Variants in SPTBN2 observed in about 807,000 individuals in gnomAD.
SPTBN2 encodes the protein spectrin beta, non-erythrocytic 2.
Under a neutral mutation model 284.2 loss-of-function variants are expected in SPTBN2, and 107 were observed. The observed-to-expected ratio is 0.38, with a 90% CI of 0.32 to 0.44. The LOEUF is 0.44. Ranked by LOEUF, SPTBN2 falls within the 20% of genes least tolerant of loss-of-function variation. The pLI, the probability that SPTBN2 is intolerant of heterozygous loss-of-function variation, is 1.00. For synonymous variants in SPTBN2, 1,289 were observed against 1,354.8 expected, an observed-to-expected ratio of 0.95 and a Z score of 1.07; for missense variants, 2,569 against 3,287.1, an observed-to-expected ratio of 0.78 and a Z score of 5.34.
chr11:66,686,031 T>TCAGGCTCTC lies in SPTBN2; in HGVS notation c.7004_7012dup (p.Gly2335_Pro2337dup), dbSNP rs1365371309. The TCAGGCTCTC allele has an allele frequency of 3.7e-6, 6 of 1,613,662 alleles. No homozygotes were observed. In the South Asian group the frequency reaches 5.5e-5, roughly 15 times the overall value. ...GGTGGTGCTGGGCACCACCGGCTCT[T>TCAGGCTCTC]CAGGCTCTCCAGAGGCAGAAGACGC... On this transcript the variant is annotated inframe_insertion, in exon 38 of 38. Transcript: ENST00000533211.
intron 3 of SPTBN2, among the ~76,000 whole-genome samples, chr11:66,717,276 C>T (rs1942191839): frequency 2.0e-5 from 3 of 152,144 alleles, no homozygotes; most frequent in Non-Finnish European, 2.9e-5. Context: ...TTCTAAGTGA[C>T]AAAGTGAAAG....
chr11:66,689,626 C>T (rs1228620479), intron 29 of SPTBN2, among the ~76,000 whole-genome samples, 179 bp downstream of exon 29: 3 of 152,168 alleles, frequency 2.0e-5, no homozygotes, highest in African/African-American at 7.2e-5. Context: ...TTTCTGATGT[C>T]AAGAGGCAGA....
chr11:66,699,494 C>T lies in SPTBN2; in HGVS notation c.3688G>A (p.Gly1230Arg), dbSNP rs773523389. 4 of 1,614,050 alleles carry T rather than the reference C, an allele frequency of 2.5e-6. No homozygotes were observed. The highest frequency in any genetic ancestry group is 2.2e-5 in the East Asian group (1 of 44,900). The change falls in exon 18 of 38, where the codon GGG becomes AGG. Residue 1230 changes from glycine (G) to arginine (R), a missense_variant. Around this residue, in one of 6 missense-constraint regions of SPTBN2, gnomAD observed 1,012 missense variants for 1,248.9 expected, o/e 0.81. Transcript: ENST00000533211. ...TMDANGERIH[G>R]LLEAGRQLVS... ...AGCTGGCGGCCAGCCTCCAGGAGCC[C>T]GTGGATCCGTTCCCCATTGGCGTCC... is the stretch of plus-strand genomic sequence containing the variant.
chr11:66,717,472 C>A (rs530839414), intron 3 of SPTBN2, among the ~76,000 whole-genome samples: 9 of 152,182 alleles, frequency 5.9e-5, no homozygotes, highest in Non-Finnish European at 7.3e-5. Flanking sequence ...CCATAAGACA[C>A]AGCAACACAC....
intron 3 of SPTBN2, among the ~76,000 whole-genome samples, chr11:66,720,703 G>T (rs962478203): frequency 1.3e-5 from 2 of 152,132 alleles, no homozygotes; most frequent in Non-Finnish European, 2.9e-5. Context: ...AAATGACAGT[G>T]GAAATCAAAG....
chr11:66,742,974 G>A (rs1942908514), intron 1 of SPTBN2, among the ~76,000 whole-genome samples: 2 of 152,126 alleles, frequency 1.3e-5, no homozygotes, highest in South Asian at 4.1e-4. Context: ...AAATAGTGAC[G>A]ATAACAATTT....
chr11:66,709,038 T>C lies in SPTBN2; in HGVS notation c.1074-19A>G, dbSNP rs764237938. 5 of 1,609,260 alleles carry C rather than the reference T, an allele frequency of 3.1e-6. No individual in the cohort carries two copies. The South Asian group carries it at 4.4e-5, about 14-fold the overall frequency. On this transcript the variant is annotated intron_variant, in intron 10 of 37. Transcript: ENST00000533211. ...GGTAAACCTGAGGCAGGAGGCCGGG[T>C]TGGGGTCAGAATTAAAGCCCACGAG...
rs1183638111 is a variant in SPTBN2 at position 66,696,545 on chromosome 11, A to G, written c.4015-5T>C. The G allele has an allele frequency of 1.2e-6, 2 of 1,610,372 alleles. No individual in the cohort carries two copies. The highest frequency in any genetic ancestry group is 2.7e-5 in the African/African-American group (2 of 74,924). On this transcript the variant is annotated splice_region_variant and splice_polypyrimidine_tract_variant and intron_variant, in intron 20 of 37. Coordinates refer to ENST00000533211, the MANE Select transcript of SPTBN2 (RefSeq NM_006946.4). Reference sequence around the variant, plus strand: ...AAGGGTGAGCTCTCGCCCTTCCTGGAAGGCAGGACAGAAAATGTCAAAGTG... The same window carrying G: ...AAGGGTGAGCTCTCGCCCTTCCTGGGAGGCAGGACAGAAAATGTCAAAGTG...
rs77929461 is a variant in SPTBN2, at chr11:66,737,286, A to C, written c.-475+7256T>G. 5.4e-3 allele frequency among the ~76,000 whole-genome samples: 825 copies of C among 152,368 alleles called. 4 individuals carry two copies. Among genetic ancestry groups the C allele is most frequent in the African/African-American group, 0.019 (779 of 41,580 alleles). ...ACTGATAACAGGGTTTCTTTTAAAC[A>C]GTCAACTTCTCAGTATGTCTAAAAT... On this transcript the variant is annotated intron_variant, in intron 1 of 37. Coordinates refer to the SPTBN2 transcript ENST00000611817.
At chr11:66,713,948 C>T (rs1370795357) in intron 7 of SPTBN2, 143 bp downstream of exon 7, 4 of 947,784 alleles carry the variant, frequency 4.2e-6, no homozygotes, top group Non-Finnish European at 6.7e-6. Flanking sequence ...CAGCCCTGCA[C>T]CCCCATGTTC....
chr11:66,699,036 G>A lies in SPTBN2; in HGVS notation c.3823C>T (p.Arg1275Trp), dbSNP rs148878156. 46 of 1,614,204 alleles carry A rather than the reference G, an allele frequency of 2.8e-5. No homozygotes were observed. Among genetic ancestry groups the A allele is most frequent in the Non-Finnish European group, 3.4e-5 (40 of 1,180,046 alleles). ...DAAQQFLGRL[R>W]DNREQQHFLQ... is the part of the protein sequence containing the mutation. ...AAATGCTGCTGCTCCCGGTTGTCCC[G>A]AAGACGGCCCAGAAATTGCTGCGCT... The change falls in exon 19 of 38, where the codon CGG (arginine) becomes TGG (tryptophan). Residue 1275 changes from arginine to tryptophan, a missense_variant. Physicochemically the swap from Arg to Trp is moderately radical, Grantham distance 101. Coordinates refer to ENST00000533211, the MANE Select transcript of SPTBN2 (RefSeq NM_006946.4).
intron 8 of SPTBN2, chr11:66,712,767 C>T (rs187681727): frequency 1.3e-4 from 20 of 152,220 alleles, no homozygotes; most frequent in African/African-American, 4.8e-4. Context: ...TGGCTATTGA[C>T]AGGTGTGATC....
rs1941160604 is a variant in SPTBN2, at chr11:66,700,161, C to T, written c.3573+365G>A. On this transcript the variant is annotated intron_variant, in intron 17 of 37. Transcript: ENST00000533211. This position sits in a 1 kb window ranked among gnomAD's most constrained non-coding sequence, Gnocchi z 6.6. ...TAGAGATGGGGGTCTCACTATGTTG[C>T]CCAGGCTGGTCTCAAACTCCTGAGC... Among the ~76,000 whole-genome samples the T allele has an allele frequency of 6.6e-6, 1 of 151,926 alleles. No homozygotes were observed. The highest frequency in any genetic ancestry group is 2.4e-5 in the African/African-American group (1 of 41,340).
In SPTBN2 at chr11:66,696,170, G is replaced by A; in HGVS notation, c.4278+107C>T. On this transcript the variant is annotated intron_variant, in intron 21 of 37. Transcript: ENST00000533211. ...GCCCAAAGAAATGACTCTGGGAAAT[G>A]CTAGTGAAGGTGTTATCTGCCAGGC... is the stretch of plus-strand genomic sequence containing the variant. The A allele has an allele frequency of 2.2e-6, 3 of 1,384,422 alleles. No homozygotes were observed. The South Asian group carries it at 3.6e-5, about 17-fold the overall frequency. 85.8% of individuals were successfully genotyped at this position (1,384,422 alleles called of 1,614,324 possible).
At chr11:66,701,864 A>T in intron 15 of SPTBN2, 143 bp from the exon 16 acceptor site, 1 of 1,173,328 alleles carries the variant, frequency 8.5e-7, no homozygotes, top group Non-Finnish European at 1.2e-6. Flanking sequence ...CTCTCAGCCT[A>T]TGAGGTTCAT....
Position 66,740,697 on chromosome 11 carries a change from C to T in SPTBN2, c.-475+3845G>A, listed in dbSNP as rs113475771. 9.0e-3 allele frequency among the ~76,000 whole-genome samples: 1,373 copies of T among 152,264 alleles called. 23 individuals are homozygous for T. Among genetic ancestry groups the T allele is most frequent in the African/African-American group, 0.031 (1,272 of 41,536 alleles). ...TCAGGACCCGAGAGAAGCAGTTAAC[C>T]CTTTCCTACTGTCTGGATGGGAAAC... On this transcript the variant is annotated intron_variant, in intron 1 of 37. Transcript: ENST00000611817.
Position 66,687,931 on chromosome 11 carries a change from G to A in SPTBN2, c.6451-13C>T. On this transcript the variant is annotated splice_polypyrimidine_tract_variant and intron_variant, in intron 33 of 37. Coordinates refer to ENST00000533211, the MANE Select transcript of SPTBN2 (RefSeq NM_006946.4). This position sits in a 1 kb window ranked among gnomAD's most constrained non-coding sequence, Gnocchi z 5.2. ...GTCCCAGCAGGGGCTGCAAGGACAAGAATCTGTAAAAGGATGTGCGGGGGT... is the reference window on the plus strand; with the variant it reads ...GTCCCAGCAGGGGCTGCAAGGACAAAAATCTGTAAAAGGATGTGCGGGGGT... 2.5e-6 allele frequency: 4 copies of A among 1,614,216 alleles called. No homozygotes were observed. Among genetic ancestry groups the A allele is most frequent in the Non-Finnish European group, 3.4e-6 (4 of 1,180,044 alleles).
chr11:66,721,505 A>G, intron 1 of SPTBN2, 65 bp from the exon 2 acceptor site: 2 of 523,222 alleles, frequency 3.8e-6, no homozygotes, highest in South Asian at 3.9e-5. Context: ...GCTCAGAGCA[A>G]TGCGGTGGTC....
At position 66,708,454 on chromosome 11, in the gene SPTBN2, G is replaced by A. The variant is rs903896269; in HGVS notation, c.1192-155C>T. Among the ~76,000 whole-genome samples, 1 of 152,262 alleles carries A rather than the reference G, an allele frequency of 6.6e-6. No homozygotes were observed. Among genetic ancestry groups the A allele is most frequent in the South Asian group, 2.1e-4 (1 of 4,836 alleles). On this transcript the variant is annotated intron_variant, in intron 11 of 37. Transcript: ENST00000533211. This position sits in a 1 kb window ranked among gnomAD's most constrained non-coding sequence, Gnocchi z 4.4. ...GCGTGGAAACAGGAAACAGGGCAGC[G>A]CTGGGAGTCTGTGAAGCCATGTAGA...
Sources: gnomAD v4.1 joint callset for allele counts (sites outside exome capture counted in the v4.1 genomes callset) on GRCh38, gnomAD v4.1.1 for gene constraint, gnomAD v4.1.1 regional missense constraint, Gnocchi (gnomAD v3.1) non-coding constraint, MANE v1.5 for transcripts, NCBI Gene and HGNC (gene_info 2026-07-23, HGNC 2026-07-21) for gene names.